F5: variants seen among roughly 807,000 people sequenced by gnomAD.
F5 encodes the protein coagulation factor V.
F5 carries 138 observed loss-of-function variants against 216.4 expected under a neutral mutation model. The ratio of observed to expected loss-of-function variants is 0.64; its 90% confidence interval spans 0.56 to 0.73. The LOEUF (loss-of-function observed/expected upper bound fraction) is 0.73. Among genes scored for constraint, F5 ranks in the 30% least tolerant of loss-of-function variants. The probability of loss-of-function intolerance (pLI) is 0.00; values close to 1 mark genes in which losing one functional copy is unlikely to be tolerated. For missense variants in F5, 2,403 were observed against 2,674.0 expected (o/e 0.90, Z 2.24); for synonymous variants, 916 against 930.7 (o/e 0.98, Z 0.29).
rs1659579211 is a variant in F5 at position 169,530,835 on chromosome 1, C to T, written c.5159G>A (p.Ser1720Asn). ...WHATERSGPE[S>N]PGSACRAWAY... ...CCAAGCCCGACAGGCAGAGCCAGGACTTTCTGGCCCTGATCGCTCAGTGGC... is the reference window on the plus strand; with the variant it reads ...CCAAGCCCGACAGGCAGAGCCAGGATTTTCTGGCCCTGATCGCTCAGTGGC... The change falls in exon 15 of 25, where the codon AGT (serine) becomes AAT (asparagine). Residue 1720 changes from serine (S) to asparagine (N), a missense_variant. Transcript: ENST00000367797. 6.2e-7 allele frequency: 1 copy of T among 1,613,930 alleles called. No individual in the cohort carries two copies. Among genetic ancestry groups the T allele is most frequent in the Non-Finnish European group, 8.5e-7 (1 of 1,179,832 alleles).
At chr1:169,582,364 G>T (rs1661009301) in intron 2 of F5, 67 bp downstream of exon 2, 1 of 795,914 alleles carries the variant, frequency 1.3e-6, no homozygotes, top group Non-Finnish European at 2.0e-6. Flanking sequence ...TATTTTAGAT[G>T]CATGTGAATG....
chr1:169,531,123 A>G, intron 14 of F5, 101 bp from the exon 15 acceptor site: 2 of 857,736 alleles, frequency 2.3e-6, no homozygotes, highest in South Asian at 2.7e-5. Context: ...ATAAAATCGG[A>G]GCTAAGATAT....
intron 6 of F5, among the ~76,000 whole-genome samples, chr1:169,556,011 A>G (rs9332580): frequency 0.081 from 12,310 of 152,140 alleles, 1,658 homozygotes; most frequent in East Asian, 0.65. Context: ...ATTTATATGA[A>G]CTCTAATCTC....
chr1:169,519,487 G>C (rs1364582401), intron 22 of F5, among the ~76,000 whole-genome samples: 2 of 152,158 alleles, frequency 1.3e-5, no homozygotes, highest in East Asian at 3.9e-4. Context: ...GCCGATACAA[G>C]ATCTGTGTTT....
chr1:169,518,264 G>T, intron 23 of F5, 148 bp downstream of exon 23: 1 of 881,640 alleles, frequency 1.1e-6, no homozygotes, highest in Non-Finnish European at 1.8e-6. Flanking sequence ...CAAGTCCACA[G>T]ACATCCTGGA....
At chr1:169,583,222 G>A (rs1202853334) in intron 1 of F5, among the ~76,000 whole-genome samples, 1 of 152,160 alleles carries the variant, frequency 6.6e-6, no homozygotes, top group African/African-American at 2.4e-5. Flanking sequence ...TTATTGTTCT[G>A]TACCTCTAAA....
chr1:169,546,391 T>G (rs745982563), intron 11 of F5, 51 bp downstream of exon 11: 161 of 1,610,424 alleles, frequency 1.0e-4, no homozygotes, highest in Non-Finnish European at 1.3e-4. Flanking sequence ...ACAGTCATAT[T>G]TCAACCACAG....
chr1:169,550,733 A>G lies in F5; in HGVS notation c.1303T>C (p.Phe435Leu). The G allele has an allele frequency of 6.2e-7, 1 of 1,610,248 alleles. No homozygotes were observed. The highest frequency in any genetic ancestry group is 8.5e-7 in the Non-Finnish European group (1 of 1,176,452). ...AQVRDTLKIV[F>L]KNMASRPYSI... ...TAGGGGCGGCTGGCCATATTTTTGA[A>G]CACGATCTACAAAGTTAAATCAAAT... The change falls in exon 9 of 25, where the codon TTC (phenylalanine) becomes CTC (leucine). Residue 435 changes from phenylalanine (F) to leucine (L), a missense_variant. Physicochemically the swap from Phe to Leu is conservative, Grantham distance 22 (BLOSUM62 0). Around this residue, in one of 4 missense-constraint regions of F5, gnomAD observed 1,425 missense variants for 1,554.8 expected, o/e 0.92. Transcript: ENST00000367797.
chr1:169,546,167 G>C (rs955779537), intron 11 of F5, among the ~76,000 whole-genome samples: 2 of 139,522 alleles, frequency 1.4e-5, no homozygotes, highest in African/African-American at 5.4e-5. Flanking sequence ...TCACCACGCA[G>C]AGTATGTCTG....
rs781090521 is a variant in F5 at position 169,523,768 on chromosome 1, A to G, written c.5892+33T>C. 3.4e-6 allele frequency: 5 copies of G among 1,464,586 alleles called. No homozygotes were observed. The South Asian group carries it at 4.5e-5, about 13-fold the overall frequency. 90.7% of individuals were successfully genotyped at this position (1,464,586 alleles called of 1,614,324 possible). A position where few individuals can be genotyped will look rare whatever the true frequency, so the allele number is the denominator to read the frequency against. ...TCACTTTCATTTTTATTATTACGATAGCAGTAAATATTATCAGTCTATTAA... is the reference window on the plus strand; with the variant it reads ...TCACTTTCATTTTTATTATTACGATGGCAGTAAATATTATCAGTCTATTAA... On this transcript the variant is annotated intron_variant, in intron 20 of 24. Coordinates refer to ENST00000367797, the MANE Select transcript of F5 (RefSeq NM_000130.5).
At chr1:169,570,220 G>A (rs926494751) in intron 3 of F5, among the ~76,000 whole-genome samples, 4 of 152,070 alleles carry the variant, frequency 2.6e-5, no homozygotes, top group African/African-American at 9.7e-5. Flanking sequence ...GGGAATGTAG[G>A]GACAAATAAA....
intron 11 of F5, among the ~76,000 whole-genome samples, chr1:169,545,868 C>A (rs549926024): frequency 6.6e-5 from 10 of 152,330 alleles, no homozygotes; most frequent in African/African-American, 2.4e-4. Flanking sequence ...ACTGCCATGG[C>A]AGTGCTTTTG....
chr1:169,523,381 A>G, intron 20 of F5, 29 bp from the exon 21 acceptor site: 1 of 1,613,544 alleles, frequency 6.2e-7, no homozygotes, highest in Non-Finnish European at 8.5e-7. Flanking sequence ...AGTAAACAGA[A>G]CTGTCCTTGT....
At chr1:169,534,558 C>A (rs1417555165) in intron 14 of F5, among the ~76,000 whole-genome samples, 1 of 151,618 alleles carries the variant, frequency 6.6e-6, no homozygotes, top group Non-Finnish European at 1.5e-5. Flanking sequence ...ATCCCAGCTA[C>A]TCGGGAGGCT....
Position 169,530,776 on chromosome 1 carries a change from A to G in F5, c.5208+10T>C, listed in dbSNP as rs750347503. 2.0e-5 allele frequency: 33 copies of G among 1,612,140 alleles called. No homozygotes were observed. Among genetic ancestry groups the G allele is most frequent in the Middle Eastern group, 1.6e-4 (1 of 6,074 alleles). ...GGGGAATGAGAAAAACTTTCAATGA[A>G]AGTACCTACTGGGTTCACAGCTGAG... On this transcript the variant is annotated intron_variant, in intron 15 of 24. Coordinates refer to ENST00000367797, the MANE Select transcript of F5 (RefSeq NM_000130.5).
intron 9 of F5, among the ~76,000 whole-genome samples, chr1:169,550,242 T>C (rs947920398): frequency 6.6e-6 from 1 of 150,542 alleles, no homozygotes; most frequent in African/African-American, 2.4e-5. Flanking sequence ...TAACTTGTCA[T>C]TAACATTAGG....
At chr1:169,515,155 A>G (rs1366942029) in intron 24 of F5, among the ~76,000 whole-genome samples, 3 of 152,014 alleles carry the variant, frequency 2.0e-5, no homozygotes, top group Non-Finnish European at 4.4e-5. Context: ...TCCCCCTTCC[A>G]TCATCAGCAA....
chr1:169,564,423 G>C (rs1660553169), intron 3 of F5, among the ~76,000 whole-genome samples: 1 of 151,954 alleles, frequency 6.6e-6, no homozygotes, highest in South Asian at 2.1e-4. Context: ...ACTCTGTCTG[G>C]GTTCTCCCTG....
intron 2 of F5, among the ~76,000 whole-genome samples, chr1:169,573,484 G>A (rs529292699): frequency 6.6e-6 from 1 of 152,274 alleles, no homozygotes; most frequent in South Asian, 2.1e-4. Context: ...TTGGAGTCTG[G>A]ACATTTTTGT....
Sources: allele counts gnomAD v4.1 joint callset (sites outside exome capture counted in the v4.1 genomes callset), GRCh38; gene constraint gnomAD v4.1.1; regional missense constraint gnomAD v4.1.1; transcripts MANE v1.5; gene names NCBI Gene and HGNC (gene_info 2026-07-23, HGNC 2026-07-21).